The following ZFAT variants were observed in gnomAD, a reference collection of about 807,000 sequenced individuals.
The protein encoded by ZFAT is zinc finger protein ZFAT.
A neutral mutation model predicts 117.7 loss-of-function variants in ZFAT; 64 were observed. That is an observed-to-expected ratio of 0.54 (90% CI 0.44 to 0.67). ZFAT has a LOEUF of 0.67. Ranked by LOEUF, ZFAT falls within the 30% of genes least tolerant of loss-of-function variation. The pLI, the probability that ZFAT is intolerant of heterozygous loss-of-function variation, is 0.00. For missense variants in ZFAT, 1,433 were observed against 1,584.5 expected (o/e 0.90, Z 1.62); for synonymous variants, 679 against 615.0 (o/e 1.10, Z -1.54).
At chr8:134,612,289 A>T (rs1333883087) in intron 3 of ZFAT, among the ~76,000 whole-genome samples, 1 of 152,254 alleles carries the variant, frequency 6.6e-6, no homozygotes, top group Non-Finnish European at 1.5e-5. Context: ...AGGTCGGGTC[A>T]TAGGGAGGTG....
chr8:134,612,960 C>G (rs73367116), intron 3 of ZFAT, among the ~76,000 whole-genome samples: 2,186 of 152,252 alleles, frequency 0.014, 64 homozygotes, highest in African/African-American at 0.049. Flanking sequence ...TTTTTAGTGC[C>G]TATAATAAAA....
chr8:134,805,350 T>C, the ZFAT span, among the ~76,000 whole-genome samples: 39 of 152,320 alleles, frequency 2.6e-4, no homozygotes, highest in African/African-American at 8.7e-4. Flanking sequence ...CCTGACGTTA[T>C]TGTTAAAAAT....
intron 1 of ZFAT, among the ~76,000 whole-genome samples, chr8:134,703,031 A>G (rs1425539457): frequency 6.6e-6 from 1 of 152,230 alleles, no homozygotes. Context: ...GCAGCATGAA[A>G]GCAGACTAAT....
At chr8:134,480,324 A>C (rs1817211242) in intron 15 of ZFAT, among the ~76,000 whole-genome samples, 1 of 152,186 alleles carries the variant, frequency 6.6e-6, no homozygotes, top group East Asian at 1.9e-4. Flanking sequence ...TCAATCACTC[A>C]TTCTTTCACT....
intron 3 of ZFAT, among the ~76,000 whole-genome samples, chr8:134,612,251 G>GC (rs2130979112): frequency 6.6e-6 from 1 of 152,360 alleles, no homozygotes; most frequent in South Asian, 2.1e-4. Flanking sequence ...GTGCGCAAGC[G>GC]CAAGGTGGGG....
At chr8:134,778,668 A>T in the ZFAT span, among the ~76,000 whole-genome samples, 10 of 152,216 alleles carry the variant, frequency 6.6e-5, no homozygotes, top group African/African-American at 2.4e-4. Flanking sequence ...TCTATGATAG[A>T]GGAATGAAAA....
intron 3 of ZFAT, among the ~76,000 whole-genome samples, chr8:134,621,962 T>A (rs185030720): frequency 6.6e-6 from 1 of 152,334 alleles, no homozygotes; most frequent in East Asian, 1.9e-4. Context: ...GCTGGATGAA[T>A]TTGGAACACT....
At chr8:134,686,109 C>T (rs998735037) in intron 1 of ZFAT, among the ~76,000 whole-genome samples, 6 of 152,244 alleles carry the variant, frequency 3.9e-5, no homozygotes, top group Non-Finnish European at 5.9e-5. Flanking sequence ...GGTGCCCTGG[C>T]CAGCCCCAGC....
In ZFAT at chr8:134,487,487, G is replaced by A. The variant is rs117313941; in HGVS notation, c.3493-8766C>T. On this transcript the variant is annotated intron_variant, in intron 15 of 15. Coordinates refer to ENST00000377838, the MANE Select transcript of ZFAT (RefSeq NM_020863.4). Reference sequence around the variant, plus strand: ...CCTCAGCTAGTAACAGGTGATTCTGGAATTTGAAGCCAAGTGAAAAACCTC... The same window carrying A: ...CCTCAGCTAGTAACAGGTGATTCTGAAATTTGAAGCCAAGTGAAAAACCTC... Among the ~76,000 whole-genome samples the A allele has an allele frequency of 1.7e-3, 257 of 152,166 alleles. 1 individual carries two copies. The highest frequency in any genetic ancestry group is 9.3e-3 in the South Asian group (45 of 4,814).
At chr8:134,625,531 T>G (rs1829439328) in intron 3 of ZFAT, among the ~76,000 whole-genome samples, 1 of 152,224 alleles carries the variant, frequency 6.6e-6, no homozygotes, top group Non-Finnish European at 1.5e-5. Context: ...GTGGTTCACC[T>G]CACCACATTT....
chr8:134,565,110 C>T (rs1824338891), intron 11 of ZFAT: 2 of 1,507,478 alleles, frequency 1.3e-6, no homozygotes, highest in African/African-American at 2.8e-5. Context: ...TCCTCTTACA[C>T]ATCTTTGACT....
At chr8:134,507,909 G>A (rs1704603847) in intron 15 of ZFAT, among the ~76,000 whole-genome samples, 3 of 152,166 alleles carry the variant, frequency 2.0e-5, no homozygotes, top group Admixed American at 2.0e-4. Context: ...GACTCCACAT[G>A]TCAAGATGCA....
chr8:134,630,305 C>T (rs994670817), intron 3 of ZFAT, among the ~76,000 whole-genome samples: 1 of 152,188 alleles, frequency 6.6e-6, no homozygotes, highest in East Asian at 1.9e-4. Flanking sequence ...CAGACATTAC[C>T]ACTATCCATC....
chr8:134,691,307 C>T (rs1833571202), intron 1 of ZFAT, among the ~76,000 whole-genome samples: 1 of 151,676 alleles, frequency 6.6e-6, no homozygotes, highest in Non-Finnish European at 1.5e-5. Context: ...TTCTCTCCTG[C>T]AGGCCTGGCA....
In ZFAT at chr8:134,651,241, A is replaced by G. The variant is rs574043479; in HGVS notation, c.196+6320T>C. ...TGAAAACTTGTAAACAAATGCTGAT[A>G]GAAGCATTATTCAGTAGCCTAAAAG... is the stretch of plus-strand genomic sequence containing the variant. On this transcript the variant is annotated intron_variant, in intron 2 of 15. Coordinates refer to ENST00000377838, the MANE Select transcript of ZFAT (RefSeq NM_020863.4). 9.8e-5 allele frequency among the ~76,000 whole-genome samples: 15 copies of G among 152,384 alleles called. No individual in the cohort carries two copies. The East Asian group carries it at 2.7e-3, about 27-fold the overall frequency.
At chr8:134,628,485 A>AAGAT (rs1829672426) in intron 3 of ZFAT, among the ~76,000 whole-genome samples, 1 of 152,236 alleles carries the variant, frequency 6.6e-6, no homozygotes, top group Non-Finnish European at 1.5e-5. Flanking sequence ...GAGTAAGGAT[A>AAGAT]AGATGGGTTC....
At chr8:134,767,025 A>G in the ZFAT span, 2 of 152,250 alleles carry the variant, frequency 1.3e-5, no homozygotes, top group Admixed American at 6.5e-5. Flanking sequence ...CTCATCCCCA[A>G]ACAATACCAC....
chr8:134,570,778 T>G (rs535421808), intron 10 of ZFAT, among the ~76,000 whole-genome samples: 1 of 152,084 alleles, frequency 6.6e-6, no homozygotes, highest in African/African-American at 2.4e-5. Context: ...CCACCCAAAG[T>G]CATAGGAGAT....
chr8:134,651,097 G>A (rs1790235175), intron 2 of ZFAT, among the ~76,000 whole-genome samples: 1 of 152,298 alleles, frequency 6.6e-6, no homozygotes, highest in Middle Eastern at 3.4e-3. Flanking sequence ...TTTAAATGGT[G>A]CACCTCCCAT....
Sources: gnomAD v4.1 joint callset for allele counts (sites outside exome capture counted in the v4.1 genomes callset) on GRCh38, gnomAD v4.1.1 for gene constraint, MANE v1.5 for transcripts, NCBI Gene and HGNC (gene_info 2026-07-23, HGNC 2026-07-21) for gene names.